KDM4C: variants seen among roughly 807,000 people sequenced by gnomAD.
KDM4C encodes lysine demethylase 4C.
A neutral mutation model predicts 129.3 loss-of-function variants in KDM4C; 81 were observed. That is an observed-to-expected ratio of 0.63 (90% CI 0.52 to 0.75). The LOEUF is 0.75. KDM4C is among the 30% of genes least tolerant of loss of function. The pLI, the probability that KDM4C is intolerant of heterozygous loss-of-function variation, is 0.00. For missense variants in KDM4C, 1,457 were observed against 1,304.0 expected (o/e 1.12, Z -1.81); for synonymous variants, 573 against 456.1 (o/e 1.26, Z -3.26).
intron 17 of KDM4C, chr9:7,076,516 A>G (rs896385765): frequency 3.2e-6 from 5 of 1,546,570 alleles, no homozygotes; most frequent in African/African-American, 2.7e-5. Flanking sequence ...TCAATTCATT[A>G]GGAAAGTTAC....
upstream of KDM4C, among the ~76,000 whole-genome samples, chr9:6,754,842 T>C (rs1330968219): frequency 3.7e-5 from 5 of 133,714 alleles, no homozygotes; most frequent in African/African-American, 1.5e-4. Context: ...GCCACTGCAC[T>C]CCAGTCTGGG....
chr9:6,854,765 A>G (rs895579358), intron 5 of KDM4C, among the ~76,000 whole-genome samples: 11 of 152,226 alleles, frequency 7.2e-5, no homozygotes, highest in East Asian at 1.9e-4. Flanking sequence ...GAAGTATCCA[A>G]TTATTCAGGA....
At chr9:7,076,822 A>G in intron 17 of KDM4C, 1 of 1,013,804 alleles carries the variant, frequency 9.9e-7, no homozygotes, top group Non-Finnish European at 1.2e-6. Flanking sequence ...CTACAGCCTC[A>G]AAAATTGTCA....
intron 5 of KDM4C, among the ~76,000 whole-genome samples, chr9:6,866,042 C>G (rs1477619264): frequency 2.6e-5 from 4 of 152,004 alleles, no homozygotes; most frequent in Non-Finnish European, 5.9e-5. Context: ...TGCCTGGCCA[C>G]CCAGCTAATT....
intron 1 of KDM4C, among the ~76,000 whole-genome samples, chr9:6,759,295 G>A (rs113644094): frequency 1.3e-5 from 2 of 152,022 alleles, no homozygotes; most frequent in Non-Finnish European, 2.9e-5. Flanking sequence ...TCTAAATTCC[G>A]GGCAGCTTGG....
chr9:6,856,539 C>CGTGCGTGT lies in KDM4C; in HGVS notation c.629+6842_629+6843insCGTGTGTG, dbSNP rs375228454. Among the ~76,000 whole-genome samples the CGTGCGTGT allele has an allele frequency of 2.5e-3, 324 of 131,574 alleles. 1 individual carries two copies. Among genetic ancestry groups the CGTGCGTGT allele is most frequent in the African/African-American group, 8.9e-3 (305 of 34,348 alleles). 86.3% of individuals were successfully genotyped at this position (131,574 alleles called of 152,430 possible). A position where few individuals can be genotyped will look rare whatever the true frequency, so the allele number is the denominator to read the frequency against. ...TTTTAGGCATATCTCTCTCTGTGTG[C>CGTGCGTGT]GTGTGTGTGTGTGTGTGTGTGTGTG... On this transcript the variant is annotated intron_variant, in intron 5 of 21. Coordinates refer to ENST00000381309, the MANE Select transcript of KDM4C (RefSeq NM_015061.6).
At chr9:7,021,986 G>A (rs1824945928) in intron 15 of KDM4C, among the ~76,000 whole-genome samples, 1 of 152,032 alleles carries the variant, frequency 6.6e-6, no homozygotes, top group Admixed American at 6.6e-5. Flanking sequence ...TTTACCTCTG[G>A]GTTCTCTATT....
rs772381983 is a variant in KDM4C, at chr9:7,174,667, G to T, written c.3109G>T (p.Asp1037Tyr). The T allele has an allele frequency of 1.2e-6, 2 of 1,614,092 alleles. No homozygotes were observed. Among genetic ancestry groups the T allele is most frequent in the Non-Finnish European group, 1.7e-6 (2 of 1,179,934 alleles). Residue 1037 changes from aspartate (D) to tyrosine (Y), a missense_variant, in exon 22 of 22, where the codon GAC (aspartate) becomes TAC (tyrosine). Asp to Tyr is a radical substitution (Grantham distance 160). Coordinates refer to ENST00000381309, the MANE Select transcript of KDM4C (RefSeq NM_015061.6). ...CAGGTTTAAGAATGAATATGTGGCC[G>T]ACCCTGTATACCGCACTTTTTTGAA... The part of the protein sequence containing the change: ...SSRFKNEYVA[D>Y]PVYRTFLKSS...
chr9:7,044,384 A>G (rs1829068402), intron 15 of KDM4C, among the ~76,000 whole-genome samples: 1 of 151,982 alleles, frequency 6.6e-6, no homozygotes, highest in South Asian at 2.1e-4. Context: ...CATATTAGGT[A>G]CTGAGAAGCA....
At chr9:6,853,157 C>G (rs1424905290) in intron 5 of KDM4C, among the ~76,000 whole-genome samples, 3 of 152,044 alleles carry the variant, frequency 2.0e-5, no homozygotes, top group Non-Finnish European at 2.9e-5. Context: ...TTAGATCCAT[C>G]TCTTTAAGGG....
chr9:7,169,673 G>T, intron 20 of KDM4C, 125 bp from the exon 21 acceptor site: 1 of 726,964 alleles, frequency 1.4e-6, no homozygotes. Flanking sequence ...TTCCTTGGTT[G>T]TTGGCTGGTT....
chr9:6,918,311 C>T (rs530793183), intron 8 of KDM4C, among the ~76,000 whole-genome samples: 77 of 152,274 alleles, frequency 5.1e-4, no homozygotes, highest in South Asian at 1.2e-3. Flanking sequence ...CTTAGGATAA[C>T]GGCCTCCACC....
intron 8 of KDM4C, among the ~76,000 whole-genome samples, chr9:6,901,238 A>C (rs900569501): frequency 3.3e-5 from 5 of 152,110 alleles, no homozygotes; most frequent in African/African-American, 1.2e-4. Flanking sequence ...GGCCCTGGGC[A>C]CCCCCCAGAG....
chr9:6,929,475 T>C (rs927056685), intron 8 of KDM4C, among the ~76,000 whole-genome samples: 42 of 79,232 alleles, frequency 5.3e-4, no homozygotes, highest in African/African-American at 1.0e-3. Flanking sequence ...CTTTTTCTTT[T>C]TTTTTTTTTT....
chr9:6,866,399 G>T (rs1841985963), intron 5 of KDM4C, among the ~76,000 whole-genome samples: 1 of 152,112 alleles, frequency 6.6e-6, no homozygotes, highest in African/African-American at 2.4e-5. Flanking sequence ...CCTGAATGGG[G>T]TATTTTCCAA....
chr9:7,135,500 C>G (rs1841101798), intron 19 of KDM4C, among the ~76,000 whole-genome samples: 1 of 152,108 alleles, frequency 6.6e-6, no homozygotes, highest in South Asian at 2.1e-4. Flanking sequence ...TTTCTCAGTG[C>G]TGAATATTCA....
intron 18 of KDM4C, among the ~76,000 whole-genome samples, chr9:7,116,308 TC>T (rs1274999560): frequency 6.7e-6 from 1 of 150,010 alleles, no homozygotes; most frequent in African/African-American, 2.5e-5. Flanking sequence ...AATTTGGAAA[TC>T]CTTAAATTCA....
At chr9:7,132,488 C>T (rs1049341398) in intron 19 of KDM4C, among the ~76,000 whole-genome samples, 1 of 152,212 alleles carries the variant, frequency 6.6e-6, no homozygotes, top group East Asian at 1.9e-4. Context: ...AAAATTCTTT[C>T]TCAACAATGC....
intron 1 of KDM4C, among the ~76,000 whole-genome samples, chr9:6,766,025 G>A (rs7862116): frequency 0.1 from 15,911 of 152,156 alleles, 1,006 homozygotes; most frequent in African/African-American, 0.17. Context: ...CTGACCTCAG[G>A]TGATCCGCCC....
Sources: gnomAD v4.1 joint callset for allele counts (sites outside exome capture counted in the v4.1 genomes callset) on GRCh38, gnomAD v4.1.1 for gene constraint, MANE v1.5 for transcripts, NCBI Gene and HGNC (gene_info 2026-07-23, HGNC 2026-07-21) for gene names.